TMCC3: variants seen among roughly 807,000 people sequenced by gnomAD.
The protein encoded by TMCC3 is transmembrane and coiled-coil domain protein 3.
Under a neutral mutation model 40.2 loss-of-function variants are expected in TMCC3, and 28 were observed. The ratio of observed to expected loss-of-function variants is 0.70; its 90% CI spans 0.52 to 0.95. TMCC3 has a LOEUF of 0.95. TMCC3 is among the 40% of genes least tolerant of loss of function. TMCC3 has a pLI of 0.00. For synonymous variants in TMCC3, 255 were observed against 248.5 expected (o/e 1.03, Z -0.25); for missense variants, 554 against 615.2 (o/e 0.90, Z 1.05).
In TMCC3 at chr12:94,618,799, C is replaced by T. The variant is rs528830733; in HGVS notation, c.78+31554G>A. On this transcript the variant is annotated intron_variant, in intron 1 of 3. Transcript: ENST00000261226. ...TAGCCAACCTCTAAGATTTTGACAC[C>T]CCACTGACATATAGAACCAAGATAC... is the stretch of plus-strand genomic sequence containing the variant. 2.6e-5 allele frequency among the ~76,000 whole-genome samples: 4 copies of T among 152,292 alleles called. 1 individual carries two copies. The South Asian group carries it at 8.3e-4, about 32-fold the overall frequency.
At chr12:94,577,996 A>G (rs2068575876) in intron 3 of TMCC3, among the ~76,000 whole-genome samples, 1 of 151,614 alleles carries the variant, frequency 6.6e-6, no homozygotes, top group Non-Finnish European at 1.5e-5. Flanking sequence ...AAAATACAAA[A>G]AAATTAGCCA....
Position 94,650,373 on chromosome 12 carries a change from G to T in TMCC3, c.58C>A (p.His20Asn), listed in dbSNP as rs1170735502. 7.5e-7 allele frequency: 1 copy of T among 1,341,056 alleles called. No individual in the cohort carries two copies. The allele number at this position is 1,341,056 out of a possible 1,614,324, so 83.1% of individuals were successfully genotyped here. A position where few individuals can be genotyped will look rare whatever the true frequency, so the allele number is the denominator to read the frequency against. ...CTCACCCGGCTCTTGCAGCGGTGGTGCCGGCCGGGGTACGAGTAGGTCCGG... is the reference window on the plus strand; with the variant it reads ...CTCACCCGGCTCTTGCAGCGGTGGTTCCGGCCGGGGTACGAGTAGGTCCGG... ...VDRTYSYPGR[H>N]HRCKSRVERH... The change falls in exon 1 of 4, where the codon CAC (histidine) becomes AAC (asparagine). Residue 20 changes from histidine (H) to asparagine (N), a missense_variant. Coordinates refer to ENST00000261226, the MANE Select transcript of TMCC3 (RefSeq NM_020698.4).
chr12:94,575,116 C>T (rs1216756019), intron 3 of TMCC3, among the ~76,000 whole-genome samples: 1 of 152,180 alleles, frequency 6.6e-6, no homozygotes, highest in Non-Finnish European at 1.5e-5. Context: ...TAAAAAACCA[C>T]TCAGTTGTTT....
At chr12:94,628,080 G>T (rs1204118095) in intron 1 of TMCC3, among the ~76,000 whole-genome samples, 2 of 152,232 alleles carry the variant, frequency 1.3e-5, no homozygotes, top group Non-Finnish European at 2.9e-5. Flanking sequence ...TTGGTGGAAG[G>T]TTGGGCAATG....
intron 1 of TMCC3, among the ~76,000 whole-genome samples, chr12:94,622,362 C>A (rs947877227): frequency 5.3e-5 from 8 of 152,144 alleles, no homozygotes; most frequent in South Asian, 2.1e-4. Context: ...ATAATCAGTT[C>A]CACAAAGAAT....
chr12:94,598,919 A>G, intron 1 of TMCC3: 1 of 298,816 alleles, frequency 3.3e-6, no homozygotes, highest in Non-Finnish European at 5.0e-6. Flanking sequence ...TCCAAAACAC[A>G]GGCAACAGAC....
chr12:94,596,713 C>G (rs1261050919), intron 1 of TMCC3, among the ~76,000 whole-genome samples: 1 of 152,074 alleles, frequency 6.6e-6, no homozygotes, highest in Non-Finnish European at 1.5e-5. Flanking sequence ...TCAATAGGAC[C>G]TTAGTGCTTA....
chr12:94,586,408 C>T (rs1225236953), intron 1 of TMCC3, among the ~76,000 whole-genome samples: 6 of 152,214 alleles, frequency 3.9e-5, no homozygotes, highest in Admixed American at 2.0e-4. Context: ...ATGATCCTCA[C>T]TTCAAACCGC....
At chr12:94,630,128 T>C (rs186909820) in intron 1 of TMCC3, among the ~76,000 whole-genome samples, 14 of 152,068 alleles carry the variant, frequency 9.2e-5, no homozygotes, top group Admixed American at 2.6e-4. Flanking sequence ...TAGCCAGGCA[T>C]GGTGGCAGGC....
chr12:94,609,584 TG>T (rs2068803242), intron 1 of TMCC3, among the ~76,000 whole-genome samples: 1 of 152,210 alleles, frequency 6.6e-6, no homozygotes, highest in Non-Finnish European at 1.5e-5. Flanking sequence ...CTATCTTACC[TG>T]AGTGATTTTG....
intron 1 of TMCC3, 137 bp downstream of exon 1, chr12:94,650,216 G>A: frequency 2.5e-6 from 1 of 405,302 alleles, no homozygotes; most frequent in Non-Finnish European, 3.8e-6. Flanking sequence ...GAGGATCGGG[G>A]AGGCACGGAC....
intron 1 of TMCC3, among the ~76,000 whole-genome samples, chr12:94,594,050 A>G (rs563373708): frequency 1.3e-5 from 2 of 152,258 alleles, no homozygotes; most frequent in South Asian, 4.1e-4. Flanking sequence ...CACCCAAAAA[A>G]GGCAACTTCT....
At position 94,650,396 on chromosome 12, in the gene TMCC3, C is replaced by G; in HGVS notation, c.35G>C (p.Arg12Pro). Reference sequence around the variant, plus strand: ...GTGCCGGCCGGGGTACGAGTAGGTCCGGTCCACGGTGAGCGCCGTGTCGCT... The same window carrying G: ...GTGCCGGCCGGGGTACGAGTAGGTCGGGTCCACGGTGAGCGCCGTGTCGCT... ...PGSDTALTVD[R>P]TYSYPGRHHR... Residue 12 changes from arginine (R) to proline (P), a missense_variant, in exon 1 of 4, where the codon CGG becomes CCG. Arg to Pro is a moderately radical substitution (Grantham distance 103, BLOSUM62 -2). Coordinates refer to ENST00000261226, the MANE Select transcript of TMCC3 (RefSeq NM_020698.4). 7.5e-7 allele frequency: 1 copy of G among 1,334,552 alleles called. No individual in the cohort carries two copies. The highest frequency in any genetic ancestry group is 1.8e-5 in the South Asian group (1 of 55,366). 82.7% of individuals were successfully genotyped at this position (1,334,552 alleles called of 1,614,324 possible). A position where few individuals can be genotyped will look rare whatever the true frequency, so the allele number is the denominator to read the frequency against.
chr12:94,581,765 C>G lies in TMCC3; in HGVS notation c.852G>C (p.Gln284His), dbSNP rs2068603124. 6.2e-7 allele frequency: 1 copy of G among 1,614,072 alleles called. No individual in the cohort carries two copies. Among genetic ancestry groups the G allele is most frequent in the African/African-American group, 1.3e-5 (1 of 74,932 alleles). Residue 284 changes from glutamine to histidine, a missense_variant, in exon 2 of 4, where the codon CAG (glutamine) becomes CAC (histidine). Physicochemically the swap from Gln to His is conservative, Grantham distance 24. Coordinates refer to ENST00000261226, the MANE Select transcript of TMCC3 (RefSeq NM_020698.4). The part of the protein sequence containing the change: ...GAGGASTLDS[Q>H]GKLAVILEEL... ...CCTCCAGGATCACGGCGAGCTTGCC[C>G]TGGCTGTCCAGTGTGCTGGCTCCAC...
At position 94,650,351 on chromosome 12, in the gene TMCC3, AC is replaced by A; in HGVS notation, c.78+1del. On this transcript the variant is annotated splice_donor_variant, in intron 1 of 3. Coordinates refer to ENST00000261226, the MANE Select transcript of TMCC3 (RefSeq NM_020698.4). LOFTEE classifies it high-confidence loss of function. ...CGCCGCCCCCCAGCCCGCTGCGCTC[AC>A]CCGGCTCTTGCAGCGGTGGTGCCGG... 7.6e-7 allele frequency: 1 copy of A among 1,314,588 alleles called. No homozygotes were observed. The highest frequency in any genetic ancestry group is 9.7e-7 in the Non-Finnish European group (1 of 1,027,104). 81.4% of individuals were successfully genotyped at this position (1,314,588 alleles called of 1,614,324 possible).
intron 1 of TMCC3, among the ~76,000 whole-genome samples, chr12:94,602,145 G>C (rs4373996): frequency 0.33 from 49,498 of 152,054 alleles, 8,735 homozygotes; most frequent in African/African-American, 0.44. Flanking sequence ...AGAACGTTCT[G>C]TGGTTACTTC....
At chr12:94,648,220 TTTTATTTATTTA>T (rs201121413) in intron 1 of TMCC3, among the ~76,000 whole-genome samples, 16 of 149,638 alleles carry the variant, frequency 1.1e-4, no homozygotes, top group South Asian at 4.2e-4. Flanking sequence ...AGTAGAATTG[TTTTATTTATTTA>T]TTTATTTATT....
chr12:94,579,575 T>C (rs2068587998), intron 2 of TMCC3, among the ~76,000 whole-genome samples: 1 of 152,200 alleles, frequency 6.6e-6, no homozygotes, highest in Non-Finnish European at 1.5e-5. Context: ...AAACAGGATG[T>C]ACTGTTTGGA....
At chr12:94,636,204 A>C (rs1362359998) in intron 1 of TMCC3, among the ~76,000 whole-genome samples, 3 of 152,252 alleles carry the variant, frequency 2.0e-5, no homozygotes, top group African/African-American at 7.2e-5. Context: ...AGACATCTGA[A>C]AAGGAATTGA....
Sources: allele counts gnomAD v4.1 joint callset (sites outside exome capture counted in the v4.1 genomes callset), GRCh38; gene constraint gnomAD v4.1.1; transcripts MANE v1.5; gene names NCBI Gene and HGNC (gene_info 2026-07-23, HGNC 2026-07-21).